Variants in TMEM117 observed in about 807,000 individuals in gnomAD.
TMEM117 encodes transmembrane protein 117.
TMEM117 carries 27 observed loss-of-function variants against 52.4 expected under a neutral mutation model. That is an observed-to-expected ratio of 0.51 (90% CI 0.38 to 0.71). TMEM117 has a LOEUF of 0.71. Among genes scored for constraint, TMEM117 ranks in the 30% least tolerant of loss-of-function variants. The pLI, the probability that TMEM117 is intolerant of heterozygous loss-of-function variation, is 0.00. For missense variants in TMEM117, 556 were observed against 630.5 expected, an observed-to-expected ratio of 0.88 and a Z score of 1.26; for synonymous variants, 215 against 206.3, an observed-to-expected ratio of 1.04 and a Z score of -0.36.
intron 5 of TMEM117, among the ~76,000 whole-genome samples, chr12:44,257,909 A>T (rs78922798): frequency 0.012 from 1,839 of 152,216 alleles, 31 homozygotes; most frequent in African/African-American, 0.042. Context: ...TTCTGAACTC[A>T]TTGCTATTAA....
intron 3 of TMEM117, among the ~76,000 whole-genome samples, chr12:43,962,156 T>C (rs1945414402): frequency 6.6e-6 from 1 of 152,244 alleles, no homozygotes; most frequent in Non-Finnish European, 1.5e-5. Flanking sequence ...TCTACCGTTC[T>C]GGTACCAGGT....
chr12:43,802,498 T>C, the TMEM117 span: 2 of 1,486,286 alleles, frequency 1.3e-6, no homozygotes, highest in Non-Finnish European at 1.9e-6. Context: ...GATAGGTAAA[T>C]GGTTTGAGAT....
At chr12:43,951,966 G>A (rs1288846172) in intron 3 of TMEM117, among the ~76,000 whole-genome samples, 3 of 152,198 alleles carry the variant, frequency 2.0e-5, no homozygotes, top group Non-Finnish European at 4.4e-5. Flanking sequence ...TTGCTGTTCT[G>A]CAGCCTCCAC....
chr12:43,836,296 C>T (rs1247383108), intron 1 of TMEM117, 100 bp downstream of exon 1: 1 of 152,314 alleles, frequency 6.6e-6, no homozygotes, highest in Non-Finnish European at 1.5e-5. Context: ...CGGCTGCCAC[C>T]TCGTCACTGC....
chr12:44,206,132 C>G (rs930442154), intron 4 of TMEM117, among the ~76,000 whole-genome samples: 5 of 152,102 alleles, frequency 3.3e-5, no homozygotes, highest in African/African-American at 1.2e-4. Flanking sequence ...TTTTATTATA[C>G]TTTAAGTTCT....
chr12:44,060,094 A>G (rs1185229670), intron 3 of TMEM117, among the ~76,000 whole-genome samples: 1 of 152,230 alleles, frequency 6.6e-6, no homozygotes, highest in Non-Finnish European at 1.5e-5. Context: ...GGAAGAATTT[A>G]ACATGCAACA....
chr12:44,213,657 G>T (rs111952639), intron 5 of TMEM117, among the ~76,000 whole-genome samples: 1 of 152,158 alleles, frequency 6.6e-6, no homozygotes, highest in African/African-American at 2.4e-5. Context: ...TCACCCCCTT[G>T]CTGTTCACGT....
At chr12:44,022,511 T>C (rs1946471088) in intron 3 of TMEM117, among the ~76,000 whole-genome samples, 1 of 152,192 alleles carries the variant, frequency 6.6e-6, no homozygotes, top group Non-Finnish European at 1.5e-5. Context: ...ATGTTTCTAA[T>C]GCATAGACAT....
chr12:44,055,824 T>C (rs1277526549), intron 3 of TMEM117, among the ~76,000 whole-genome samples: 7 of 152,180 alleles, frequency 4.6e-5, no homozygotes, highest in Non-Finnish European at 8.8e-5. Flanking sequence ...TAACTTTGTA[T>C]ATTATAATTA....
At chr12:44,144,534 T>G (rs1172939440) in intron 4 of TMEM117, among the ~76,000 whole-genome samples, 1 of 152,178 alleles carries the variant, frequency 6.6e-6, no homozygotes, top group East Asian at 1.9e-4. Flanking sequence ...TAGGTAGATA[T>G]TGTAGGTAGG....
intron 5 of TMEM117, among the ~76,000 whole-genome samples, chr12:44,276,292 G>A (rs1344129080): frequency 1.3e-5 from 2 of 152,112 alleles, no homozygotes; most frequent in Non-Finnish European, 2.9e-5. Context: ...CATGTATATA[G>A]AATGGAATAG....
chr12:44,382,537 T>A (rs1253161128), intron 7 of TMEM117, among the ~76,000 whole-genome samples: 1 of 152,230 alleles, frequency 6.6e-6, no homozygotes, highest in African/African-American at 2.4e-5. Flanking sequence ...CTAGTTGGTA[T>A]CTGGAGAACA....
At chr12:44,253,467 A>G (rs973195475) in intron 5 of TMEM117, among the ~76,000 whole-genome samples, 2 of 152,190 alleles carry the variant, frequency 1.3e-5, no homozygotes, top group Non-Finnish European at 2.9e-5. Context: ...AGAGGGTAAG[A>G]AAAGACCCGA....
At chr12:43,860,034 A>C (rs144162293) in intron 2 of TMEM117, among the ~76,000 whole-genome samples, 64 of 152,228 alleles carry the variant, frequency 4.2e-4, no homozygotes, top group East Asian at 7.7e-4. Context: ...TCTTCTTCTT[A>C]TTATTATACT....
intron 3 of TMEM117, among the ~76,000 whole-genome samples, chr12:44,067,890 C>T (rs1043723571): frequency 1.3e-5 from 2 of 152,306 alleles, no homozygotes; most frequent in African/African-American, 2.4e-5. Flanking sequence ...GCATCTTCTT[C>T]CAATAGAAGG....
At chr12:44,346,179 A>T (rs920641568) in intron 6 of TMEM117, among the ~76,000 whole-genome samples, 1 of 152,142 alleles carries the variant, frequency 6.6e-6, no homozygotes, top group Non-Finnish European at 1.5e-5. Flanking sequence ...CTATTATTGT[A>T]TCCACTGCTT....
rs973419563 is a variant in TMEM117 at position 44,376,296 on chromosome 12, C to A, written c.769-299C>A. The A allele has an allele frequency of 1.1e-4, 37 of 342,380 alleles. No homozygotes were observed. The Middle Eastern group carries it at 2.6e-3, about 24-fold the overall frequency. 21.2% of individuals were successfully genotyped at this position (342,380 alleles called of 1,614,324 possible). ...CTTCCTTCCTAAAAACATTTAAGTGCAGTTCTCCAGAATGAAAGAGATAAA... is the reference window on the plus strand; with the variant it reads ...CTTCCTTCCTAAAAACATTTAAGTGAAGTTCTCCAGAATGAAAGAGATAAA... On this transcript the variant is annotated intron_variant, in intron 6 of 7. Coordinates refer to ENST00000266534, the MANE Select transcript of TMEM117 (RefSeq NM_032256.3).
intron 5 of TMEM117, among the ~76,000 whole-genome samples, chr12:44,279,267 A>G (rs1048625354): frequency 1.3e-5 from 2 of 152,194 alleles, no homozygotes; most frequent in African/African-American, 4.8e-5. Context: ...TCATGAACAT[A>G]ATGGAAAATT....
chr12:44,272,733 G>A (rs565580926), intron 5 of TMEM117, among the ~76,000 whole-genome samples: 1 of 152,340 alleles, frequency 6.6e-6, no homozygotes, highest in Non-Finnish European at 1.5e-5. Flanking sequence ...AGGTGCTGAA[G>A]AGGATGTGCA....
Sources: allele counts gnomAD v4.1 joint callset (sites outside exome capture counted in the v4.1 genomes callset), GRCh38; gene constraint gnomAD v4.1.1; transcripts MANE v1.5; gene names NCBI Gene and HGNC (gene_info 2026-07-23, HGNC 2026-07-21).